The following NR3C2 variants were observed in gnomAD, a reference collection of about 807,000 sequenced individuals.
The protein encoded by NR3C2 is nuclear receptor subfamily 3 group C member 2.
In NR3C2, 15 loss-of-function variants were observed where a neutral mutation model predicts 86.4. The observed-to-expected ratio is 0.17, with a 90% CI of 0.12 to 0.27. The LOEUF (loss-of-function observed/expected upper bound fraction) is 0.27. Among genes scored for constraint, NR3C2 ranks in the 10% least tolerant of loss-of-function variants. The pLI, the probability that NR3C2 is intolerant of heterozygous loss-of-function variation, is 1.00. For synonymous variants in NR3C2, 458 were observed against 450.5 expected (o/e 1.02, Z -0.21); for missense variants, 960 against 1,195.6 (o/e 0.80, Z 2.91).
At chr4:148,116,275 A>G (rs13104030) in intron 7 of NR3C2, among the ~76,000 whole-genome samples, 4 of 152,242 alleles carry the variant, frequency 2.6e-5, no homozygotes, top group African/African-American at 7.2e-5. Context: ...CTTGTCAAAC[A>G]GTATTACTTA....
At chr4:148,210,186 T>A (rs536119591) in intron 3 of NR3C2, among the ~76,000 whole-genome samples, 1 of 152,150 alleles carries the variant, frequency 6.6e-6, no homozygotes, top group South Asian at 2.1e-4. Context: ...GGTGTTTTTT[T>A]GTTTTTGTTT....
chr4:148,167,389 G>A (rs949510752), intron 4 of NR3C2, among the ~76,000 whole-genome samples: 1 of 152,186 alleles, frequency 6.6e-6, no homozygotes, highest in African/African-American at 2.4e-5. Context: ...AAATTTAAAT[G>A]GGGCTAACAA....
intron 3 of NR3C2, among the ~76,000 whole-genome samples, chr4:148,198,197 A>C (rs1736530560): frequency 6.6e-6 from 1 of 152,116 alleles, no homozygotes; most frequent in Non-Finnish European, 1.5e-5. Flanking sequence ...AAATAAATCA[A>C]AGGTATCATT....
At chr4:148,378,778 A>T (rs925701077) in intron 2 of NR3C2, among the ~76,000 whole-genome samples, 2 of 152,186 alleles carry the variant, frequency 1.3e-5, no homozygotes, top group African/African-American at 4.8e-5. Context: ...TTCTTTATAA[A>T]TTGCCTAGTC....
At chr4:148,222,679 G>C (rs1249388656) in intron 3 of NR3C2, among the ~76,000 whole-genome samples, 1 of 152,148 alleles carries the variant, frequency 6.6e-6, no homozygotes, top group East Asian at 1.9e-4. Flanking sequence ...TATTCTGTTG[G>C]ATAGAGACAC....
intron 3 of NR3C2, among the ~76,000 whole-genome samples, chr4:148,203,893 GA>G (rs1485283182): frequency 6.6e-6 from 1 of 152,144 alleles, no homozygotes; most frequent in Non-Finnish European, 1.5e-5. Context: ...GAACTGACTT[GA>G]GAAGTAAGTA....
Position 148,322,310 on chromosome 4 carries a change from C to T in NR3C2, c.1758-62193G>A, listed in dbSNP as rs896381534. On this transcript the variant is annotated intron_variant, in intron 2 of 8. Transcript: ENST00000358102. ...GACCTTTCTCTCTGGCTGCCCTTAA[C>T]ATTTTTTCCTTCATTTCAACTTTGG... 4.1e-5 allele frequency among the ~76,000 whole-genome samples: 6 copies of T among 146,334 alleles called. No individual in the cohort carries two copies. The South Asian group carries it at 1.3e-3, about 32-fold the overall frequency.
intron 2 of NR3C2, among the ~76,000 whole-genome samples, chr4:148,274,854 C>T (rs770610840): frequency 9.9e-5 from 15 of 151,840 alleles, no homozygotes; most frequent in African/African-American, 1.9e-4. Flanking sequence ...CCCACCACCA[C>T]GCCCAGCTAA....
chr4:148,281,265 G>A (rs1741224146), intron 2 of NR3C2, among the ~76,000 whole-genome samples: 1 of 152,192 alleles, frequency 6.6e-6, no homozygotes, highest in Non-Finnish European at 1.5e-5. Flanking sequence ...TTTCCTCCAC[G>A]AAACCAGTAT....
chr4:148,307,683 G>A (rs957281299), intron 2 of NR3C2, among the ~76,000 whole-genome samples: 2 of 151,880 alleles, frequency 1.3e-5, no homozygotes, highest in African/African-American at 2.4e-5. Flanking sequence ...GGGGGTAGTC[G>A]GGAAACAGAA....
In NR3C2 at chr4:148,436,026, A is replaced by G. The variant is rs748007884; in HGVS notation, c.835T>C (p.Cys279Arg). ...CTGGAGACTGGAGATTTTACACTGCAGTGACTTGGAGGGCTGGAAATTGAG... is the reference window on the plus strand; with the variant it reads ...CTGGAGACTGGAGATTTTACACTGCGGTGACTTGGAGGGCTGGAAATTGAG... ...KSSISSPPSH[C>R]SVKSPVSSPN... Residue 279 changes from cysteine (C) to arginine (R), a missense_variant, in exon 2 of 9, where the codon TGC (cysteine) becomes CGC (arginine). This residue lies in a region of NR3C2 where 680 missense variants were observed against 719.0 expected (regional missense o/e 0.95). Transcript: ENST00000358102. 1 of 1,614,184 alleles carries G rather than the reference A, an allele frequency of 6.2e-7. No homozygotes were observed. The highest frequency in any genetic ancestry group is 1.1e-5 in the South Asian group (1 of 91,080).
chr4:148,222,047 C>CA (rs1480325254), intron 3 of NR3C2, among the ~76,000 whole-genome samples: 1 of 151,550 alleles, frequency 6.6e-6, no homozygotes, highest in African/African-American at 2.4e-5. Flanking sequence ...GATCTTGTAC[C>CA]ATATCTGGTA....
chr4:148,092,203 G>C (rs956737387), intron 8 of NR3C2, among the ~76,000 whole-genome samples: 3 of 152,234 alleles, frequency 2.0e-5, no homozygotes, highest in Non-Finnish European at 4.4e-5. Flanking sequence ...GGCCCAGCCT[G>C]AAGGAGTTCT....
chr4:148,154,397 C>T (rs79039437), intron 5 of NR3C2, among the ~76,000 whole-genome samples, 154 bp downstream of exon 5: 2 of 152,196 alleles, frequency 1.3e-5, no homozygotes, highest in Admixed American at 1.3e-4. Flanking sequence ...CCATATTTTT[C>T]CTATACACTT....
intron 2 of NR3C2, among the ~76,000 whole-genome samples, chr4:148,339,972 T>A (rs887091910): frequency 5.9e-5 from 9 of 151,746 alleles, no homozygotes. Context: ...AAAATTAAAT[T>A]CCAAGGAATA....
Position 148,410,555 on chromosome 4 carries a change from T to C in NR3C2, c.1757+24549A>G, listed in dbSNP as rs578050200. ...TACATCCTAGTTTAACTGCAGAAGC[T>C]TAAATCAAAGTTTAAAATACAGAAA... On this transcript the variant is annotated intron_variant, in intron 2 of 8. Coordinates refer to ENST00000358102, the MANE Select transcript of NR3C2 (RefSeq NM_000901.5). Among the ~76,000 whole-genome samples the C allele has an allele frequency of 1.5e-4, 23 of 152,324 alleles. No individual in the cohort carries two copies. In the South Asian group the frequency reaches 4.6e-3, roughly 30 times the overall value.
intron 6 of NR3C2, among the ~76,000 whole-genome samples, chr4:148,132,267 T>C (rs1363140726): frequency 6.6e-6 from 1 of 152,152 alleles, no homozygotes; most frequent in Non-Finnish European, 1.5e-5. Context: ...AACTGTGAAT[T>C]TCCCCAGGCA....
At chr4:148,276,484 G>C (rs958934197) in intron 2 of NR3C2, among the ~76,000 whole-genome samples, 1 of 152,088 alleles carries the variant, frequency 6.6e-6, no homozygotes, top group African/African-American at 2.4e-5. Context: ...AAAAGACTTA[G>C]TATAAAATTA....
intron 6 of NR3C2, among the ~76,000 whole-genome samples, chr4:148,138,820 C>T (rs750986087): frequency 1.3e-5 from 2 of 152,200 alleles, no homozygotes; most frequent in African/African-American, 2.4e-5. Flanking sequence ...AGCCTAATAA[C>T]CGGTGACTAG....
Sources: gnomAD v4.1 joint callset for allele counts (sites outside exome capture counted in the v4.1 genomes callset) on GRCh38, gnomAD v4.1.1 for gene constraint, gnomAD v4.1.1 regional missense constraint, MANE v1.5 for transcripts, NCBI Gene and HGNC (gene_info 2026-07-23, HGNC 2026-07-21) for gene names.